Variants in GALC observed in about 807,000 individuals in gnomAD.
The protein encoded by GALC is galactocerebrosidase.
Under a neutral mutation model 91.8 loss-of-function variants are expected in GALC, and 77 were observed. That is an observed-to-expected ratio of 0.84 (90% CI 0.70 to 1.01). The LOEUF (loss-of-function observed/expected upper bound fraction) is 1.01. Among genes scored for constraint, GALC ranks in the 50% least tolerant of loss-of-function variants. The pLI, the probability that GALC is intolerant of heterozygous loss-of-function variation, is 0.00. For missense variants in GALC, 882 were observed against 855.9 expected, an observed-to-expected ratio of 1.03 and a Z score of -0.38; for synonymous variants, 357 against 306.7, an observed-to-expected ratio of 1.16 and a Z score of -1.71.
rs387906953 is a variant in GALC, at chr14:87,941,433, A to C, written c.1796T>G (p.Ile599Ser). 1.9e-6 allele frequency: 3 copies of C among 1,610,104 alleles called. No individual in the cohort carries two copies. Among genetic ancestry groups the C allele is most frequent in the Middle Eastern group, 3.3e-4 (2 of 6,036 alleles). ...AACCCTGTAAGATCCATTTGCAAAA[A>C]TCCAGAAGAAAATTCCTCTGGCACT... Reference protein sequence around the residue: ...IRSARGIFFWIFANGSYRVTG... With the variant: ...IRSARGIFFWSFANGSYRVTG... Residue 599 changes from isoleucine (I) to serine (S), a missense_variant, in exon 15 of 17, where the codon ATT (isoleucine) becomes AGT (serine). Coordinates refer to ENST00000261304, the MANE Select transcript of GALC (RefSeq NM_000153.4).
chr14:87,963,946 G>C (rs1271211078), intron 9 of GALC, among the ~76,000 whole-genome samples: 1 of 152,002 alleles, frequency 6.6e-6, no homozygotes, highest in African/African-American at 2.4e-5. Flanking sequence ...CACCTCCTAA[G>C]CTCGTCCTGA....
rs1253723531 is a variant in GALC at position 87,968,405 on chromosome 14, T to A, written c.838A>T (p.Asn280Tyr). ...LWSSEDFSTLNSDMGAGCWGR... is the reference protein window; with the variant it reads ...LWSSEDFSTLYSDMGAGCWGR... ...CAGCAGCCTGCACCCATGTCACTAT[T>A]TAAAGTGCTAAAGTCTTCAGAAGAC... Residue 280 changes from asparagine to tyrosine, a missense_variant, in exon 8 of 17, where the codon AAT becomes TAT. Transcript: ENST00000261304. The A allele has an allele frequency of 1.9e-6, 3 of 1,613,942 alleles. No homozygotes were observed. The highest frequency in any genetic ancestry group is 2.5e-6 in the Non-Finnish European group (3 of 1,179,832).
intron 14 of GALC, among the ~76,000 whole-genome samples, chr14:87,943,904 G>C (rs431081): frequency 1.1e-4 from 16 of 151,700 alleles, no homozygotes; most frequent in Non-Finnish European, 2.1e-4. Flanking sequence ...ATCAAGCCTA[G>C]AAGTGGAAAA....
intron 1 of GALC, chr14:87,992,710 C>T (rs901018483): frequency 1.4e-6 from 2 of 1,431,982 alleles, no homozygotes; most frequent in African/African-American, 2.9e-5. Flanking sequence ...TCACTTTACT[C>T]TCTGCACCTA....
At chr14:87,993,249 ACGC>A, upstream of GALC, 1 of 1,541,912 alleles carries the variant, frequency 6.5e-7, no homozygotes, top group Non-Finnish European at 8.7e-7. Context: ...GCTGATGCTG[ACGC>A]CGCCGCCGCC....
intron 10 of GALC, chr14:87,959,499 C>G (rs1427156886): frequency 6.6e-6 from 1 of 152,134 alleles, no homozygotes; most frequent in African/African-American, 2.4e-5. Context: ...GCGGGCAGAT[C>G]ACTTGAGGTC....
chr14:87,986,989 C>G, intron 3 of GALC: 1 of 447,460 alleles, frequency 2.2e-6, no homozygotes, highest in East Asian at 6.9e-5. Context: ...AGCTTTTCAA[C>G]GCTGGATATG....
At chr14:87,936,222 C>T (rs777762751) in intron 16 of GALC, among the ~76,000 whole-genome samples, 10 of 151,966 alleles carry the variant, frequency 6.6e-5, no homozygotes, top group Non-Finnish European at 1.5e-4. Context: ...GAGGTCTTTC[C>T]TCACCTCCCT....
rs112634971 is a variant in GALC at position 87,940,185 on chromosome 14, G to C, written c.1835-204C>G. On this transcript the variant is annotated intron_variant, in intron 15 of 16. Transcript: ENST00000261304. ...CCATGCATTTAATAGCATATACTGA[G>C]ATCCTACTCTGAGCCATATACTATA... Among the ~76,000 whole-genome samples the C allele has an allele frequency of 0.094, 14,260 of 151,834 alleles. 872 individuals carry two copies. The highest frequency in any genetic ancestry group is 0.17 in the African/African-American group (6,865 of 41,434).
intron 1 of GALC, 98 bp from the exon 2 acceptor site, chr14:87,988,621 G>T: frequency 1.1e-6 from 1 of 911,096 alleles, no homozygotes; most frequent in Non-Finnish European, 1.8e-6. Context: ...CACATATTTA[G>T]CCTCAGGCAA....
chr14:87,984,295 G>T, intron 5 of GALC, 99 bp downstream of exon 5: 1 of 1,159,402 alleles, frequency 8.6e-7, no homozygotes, highest in South Asian at 1.5e-5. Context: ...TAGCCTCATG[G>T]CATAAAATGG....
At chr14:87,949,393 A>G (rs1333303569) in intron 12 of GALC, among the ~76,000 whole-genome samples, 3 of 152,004 alleles carry the variant, frequency 2.0e-5, no homozygotes, top group Non-Finnish European at 4.4e-5. Flanking sequence ...CTCTGAGCAC[A>G]GTGGTCACAA....
Position 87,934,785 on chromosome 14 carries a change from G to A in GALC, c.2005C>T (p.His669Tyr). 6.2e-7 allele frequency: 1 copy of A among 1,613,010 alleles called. No individual in the cohort carries two copies. The highest frequency in any genetic ancestry group is 8.5e-7 in the Non-Finnish European group (1 of 1,179,222). ...TCAAACTGTGCAAATTCAAAGGAGT[G>A]AGTTCCAATTGCAGCCCAGCCATTC... ...PKNGWAAIGTHSFEFAQFDNF... is the reference protein window; with the variant it reads ...PKNGWAAIGTYSFEFAQFDNF... Residue 669 changes from histidine (H) to tyrosine (Y), a missense_variant, in exon 17 of 17, where the codon CAC (histidine) becomes TAC (tyrosine). Transcript: ENST00000261304.
chr14:87,944,027 T>G (rs767511847), intron 14 of GALC, among the ~76,000 whole-genome samples: 12 of 151,864 alleles, frequency 7.9e-5, no homozygotes, highest in Non-Finnish European at 1.3e-4. Context: ...AATTGCAACT[T>G]CCCGGTTCCT....
At chr14:87,953,447 A>G in intron 10 of GALC, 1 of 1,547,282 alleles carries the variant, frequency 6.5e-7, no homozygotes, top group South Asian at 1.1e-5. Flanking sequence ...GTTTTTCCTA[A>G]AACAGAAAAT....
At chr14:87,965,855 A>G (rs1200538242) in intron 8 of GALC, among the ~76,000 whole-genome samples, 1 of 152,194 alleles carries the variant, frequency 6.6e-6, no homozygotes, top group Non-Finnish European at 1.5e-5. Context: ...CACATGATAA[A>G]AAATACAAAT....
At chr14:87,986,459 T>A (rs771679710) in intron 4 of GALC, 30 bp downstream of exon 4, 9 of 1,329,018 alleles carry the variant, frequency 6.8e-6, no homozygotes, top group Non-Finnish European at 8.7e-6. Context: ...GAAAAGAGAC[T>A]GAAGAAACAT....
Position 87,988,540 on chromosome 14 carries a change from T to C in GALC, c.196-17A>G, listed in dbSNP as rs759833021. On this transcript the variant is annotated splice_polypyrimidine_tract_variant and intron_variant, in intron 1 of 16. Transcript: ENST00000261304. ...GGAGGTTGCCTAAAAAAAAAAGTTTTCAAAAGTATGAATAAAAGAAATCCA... is the reference window on the plus strand; with the variant it reads ...GGAGGTTGCCTAAAAAAAAAAGTTTCCAAAAGTATGAATAAAAGAAATCCA... The C allele has an allele frequency of 5.8e-5, 92 of 1,576,178 alleles. No homozygotes were observed. The African/African-American group carries it at 8.1e-4, about 14-fold the overall frequency.
chr14:87,954,105 A>T, intron 10 of GALC: 8 of 1,609,692 alleles, frequency 5.0e-6, no homozygotes, highest in Non-Finnish European at 6.8e-6. Context: ...TTATTCATCT[A>T]TTCAGCCTGA....
Sources: gnomAD v4.1 joint callset for allele counts (sites outside exome capture counted in the v4.1 genomes callset) on GRCh38, gnomAD v4.1.1 for gene constraint, MANE v1.5 for transcripts, NCBI Gene and HGNC (gene_info 2026-07-23, HGNC 2026-07-21) for gene names.